NTMT1: variants seen among roughly 807,000 people sequenced by gnomAD.
NTMT1 encodes the protein N-terminal Xaa-Pro-Lys N-methyltransferase 1.
A neutral mutation model predicts 17.5 loss-of-function variants in NTMT1; 8 were observed. The ratio of observed to expected loss-of-function variants is 0.46; its 90% CI spans 0.27 to 0.82. NTMT1 has a LOEUF of 0.82. Ranked by LOEUF, NTMT1 falls within the 40% of genes least tolerant of loss-of-function variation. NTMT1 has a pLI of 0.15. For synonymous variants in NTMT1, 128 were observed against 126.8 expected (o/e 1.01, Z -0.06); for missense variants, 221 against 303.5 (o/e 0.73, Z 2.02).
chr9:129,620,344 C>T lies in NTMT1; in HGVS notation c.-55+11166C>T. 3 of 1,228,662 alleles carry T rather than the reference C, an allele frequency of 2.4e-6. No homozygotes were observed. Among genetic ancestry groups the T allele is most frequent in the Admixed American group, 8.6e-5 (2 of 23,306 alleles). 76.1% of individuals were successfully genotyped at this position (1,228,662 alleles called of 1,614,324 possible). On this transcript the variant is annotated intron_variant, in intron 1 of 3. Coordinates refer to the NTMT1 transcript ENST00000372486. This position sits in a 1 kb window ranked among gnomAD's most constrained non-coding sequence, Gnocchi z 5.8. ...CGGTGAGCAAGGCGGGCAGGCGCGG[C>T]GGGAGGCGTCCGACGCCCACCCCGG...
Position 129,609,884 on chromosome 9 carries a change from G to A in NTMT1, c.-55+706G>A, listed in dbSNP as rs116319723. Among the ~76,000 whole-genome samples, 264 of 152,078 alleles carry A rather than the reference G, an allele frequency of 1.7e-3. 1 individual carries two copies. The highest frequency in any genetic ancestry group is 5.8e-3 in the African/African-American group (242 of 41,498). The stretch of plus-strand genomic sequence containing the variant: ...GGAGACCCCGTGAGAGGCCGTGTAT[G>A]TGTGAGGTCGGCCTGTGTTCACCGG... On this transcript the variant is annotated intron_variant, in intron 1 of 3. Transcript: ENST00000372486.
chr9:129,618,062 C>T lies in NTMT1; in HGVS notation c.-55+8884C>T, dbSNP rs184745710. Among the ~76,000 whole-genome samples the T allele has an allele frequency of 2.0e-5, 3 of 152,278 alleles. No individual in the cohort carries two copies. The East Asian group carries it at 5.8e-4, about 29-fold the overall frequency. ...TACTGTGTGAGGAATGGTTCTGAGGCTCAGTGGGGAAATATGATCCATTAG... is the reference window on the plus strand; with the variant it reads ...TACTGTGTGAGGAATGGTTCTGAGGTTCAGTGGGGAAATATGATCCATTAG... On this transcript the variant is annotated intron_variant, in intron 1 of 3. Transcript: ENST00000372486.
In NTMT1 at chr9:129,620,494, G is replaced by C; in HGVS notation, c.-55+11316G>C. The C allele has an allele frequency of 7.1e-7, 1 of 1,414,584 alleles. No homozygotes were observed. Among genetic ancestry groups the C allele is most frequent in the African/African-American group, 1.5e-5 (1 of 67,878 alleles). 87.6% of individuals were successfully genotyped at this position (1,414,584 alleles called of 1,614,324 possible). ...TCAGCTTGGGCAGCCGCGGGTCGCT[G>C]CTGCGTCGGAAGTCTCCGTCGCCAG... On this transcript the variant is annotated intron_variant, in intron 1 of 3. Coordinates refer to the NTMT1 transcript ENST00000372486. This position sits in a 1 kb window ranked among gnomAD's most constrained non-coding sequence, Gnocchi z 5.8.
In NTMT1 at chr9:129,634,010, G is replaced by A. The variant is rs200150772; in HGVS notation, c.163-44G>A. On this transcript the variant is annotated intron_variant, in intron 2 of 3. Transcript: ENST00000372483. ...GCTCGTGAGGAAGGGCCGCACGTGC[G>A]GTGACAGGGTCCCTCTGATAGGTTA... is the stretch of plus-strand genomic sequence containing the variant. The A allele has an allele frequency of 8.9e-4, 1,407 of 1,586,140 alleles. 1 individual carries two copies. The highest frequency in any genetic ancestry group is 1.1e-3 in the Non-Finnish European group (1,296 of 1,162,584).
upstream of NTMT1, among the ~76,000 whole-genome samples, chr9:129,625,219 T>C (rs1165225161): frequency 6.6e-6 from 1 of 152,194 alleles, no homozygotes; most frequent in African/African-American, 2.4e-5. Flanking sequence ...TTTCTTTGCA[T>C]GGGAGGAGCC....
chr9:129,633,703 G>A (rs1831327749), intron 2 of NTMT1: 1 of 201,070 alleles, frequency 5.0e-6, no homozygotes, highest in Non-Finnish European at 9.9e-6. Flanking sequence ...GCGCATGCCT[G>A]TAGTCCCAGC....
At chr9:129,634,413 G>C in intron 3 of NTMT1, 107 bp downstream of exon 3, 2 of 1,372,096 alleles carry the variant, frequency 1.5e-6, no homozygotes. Flanking sequence ...AAGTGGGCCA[G>C]TGAGGATTCC....
chr9:129,615,543 C>T (rs779020875), intron 1 of NTMT1: 52 of 1,610,674 alleles, frequency 3.2e-5, no homozygotes, highest in South Asian at 2.0e-4. Context: ...GTCAGCGAAT[C>T]GCACCCGGAA....
chr9:129,634,469 G>A (rs552717504), intron 3 of NTMT1, 163 bp downstream of exon 3: 1 of 662,192 alleles, frequency 1.5e-6, no homozygotes, highest in South Asian at 3.0e-5. Context: ...CCAGGACTGA[G>A]GGACAGGCTC....
At chr9:129,624,225 G>A (rs1168949535), upstream of NTMT1, among the ~76,000 whole-genome samples, 2 of 152,220 alleles carry the variant, frequency 1.3e-5, no homozygotes, top group Non-Finnish European at 2.9e-5. Context: ...CCAGTCCTGG[G>A]AAGGCCTTGG....
chr9:129,629,903 C>A (rs1340595516), intron 1 of NTMT1, among the ~76,000 whole-genome samples: 6 of 151,904 alleles, frequency 3.9e-5, no homozygotes, highest in African/African-American at 1.5e-4. Flanking sequence ...AGTTTGGGGC[C>A]AGCCTGGGCC....
At chr9:129,617,297 G>A (rs1268060942) in intron 1 of NTMT1, among the ~76,000 whole-genome samples, 2 of 152,192 alleles carry the variant, frequency 1.3e-5, no homozygotes, top group Non-Finnish European at 2.9e-5. Context: ...GACAGTGCCT[G>A]GCTACATGCC....
chr9:129,625,882 C>A (rs1451002980), upstream of NTMT1, among the ~76,000 whole-genome samples: 1 of 151,874 alleles, frequency 6.6e-6, no homozygotes, highest in Non-Finnish European at 1.5e-5. Flanking sequence ...TGTGGTAGCT[C>A]ACGCCTGTAG....
chr9:129,617,180 G>GT (rs1421031203), intron 1 of NTMT1, among the ~76,000 whole-genome samples: 1 of 152,232 alleles, frequency 6.6e-6, no homozygotes. Context: ...TATGCACATA[G>GT]TTATATGTCT....
At chr9:129,622,016 C>T (rs1294646562), upstream of NTMT1, among the ~76,000 whole-genome samples, 2 of 152,300 alleles carry the variant, frequency 1.3e-5, no homozygotes, top group Non-Finnish European at 2.9e-5. Context: ...GGCACTGAGG[C>T]CTGGGGACTA....
chr9:129,635,035 T>G, intron 3 of NTMT1, 173 bp from the exon 4 acceptor site: 12 of 724,902 alleles, frequency 1.7e-5, no homozygotes, highest in Non-Finnish European at 2.7e-5. Context: ...CAGTTTCCTA[T>G]TCTATGAATT....
At chr9:129,619,522 G>A in intron 1 of NTMT1, 1 of 1,610,532 alleles carries the variant, frequency 6.2e-7, no homozygotes, top group Non-Finnish European at 8.5e-7. Flanking sequence ...TCACTCACTG[G>A]TTGGCCTTTC....
chr9:129,631,924 C>G (rs555298991), intron 1 of NTMT1, among the ~76,000 whole-genome samples: 3 of 152,160 alleles, frequency 2.0e-5, no homozygotes, highest in Non-Finnish European at 4.4e-5. Context: ...TGGCTGGCTG[C>G]CTGGTTCACA....
Position 129,632,871 on chromosome 9 carries a change from C to A in NTMT1, c.162+6C>A. On this transcript the variant is annotated splice_donor_region_variant and intron_variant, in intron 2 of 3. Coordinates refer to ENST00000372483, the MANE Select transcript of NTMT1 (RefSeq NM_014064.4). ...TTCTGCAGAGGTTTTTGAGGGTAGG[C>A]AGGTCTGGCGTGCTCTCCAGGAGAG... 2 of 1,613,396 alleles carry A rather than the reference C, an allele frequency of 1.2e-6. No individual in the cohort carries two copies. The highest frequency in any genetic ancestry group is 2.2e-5 in the South Asian group (2 of 90,970).
Sources: allele counts gnomAD v4.1 joint callset (sites outside exome capture counted in the v4.1 genomes callset), GRCh38; gene constraint gnomAD v4.1.1; non-coding constraint Gnocchi (gnomAD v3.1); transcripts MANE v1.5; gene names NCBI Gene and HGNC (gene_info 2026-07-23, HGNC 2026-07-21).